Variants in TTC1 observed in about 807,000 individuals in gnomAD.
TTC1 encodes tetratricopeptide repeat domain 1, also known as tetratricopeptide repeat protein 1.
TTC1 carries 31 observed loss-of-function variants against 37.6 expected under a neutral mutation model. The observed-to-expected ratio is 0.82, with a 90% confidence interval of 0.62 to 1.11. The LOEUF (loss-of-function observed/expected upper bound fraction) is 1.11. TTC1 is among the 50% of genes most tolerant of loss of function. The pLI is 0.00. For missense variants in TTC1, 351 were observed against 339.0 expected (o/e 1.04, Z -0.28); for synonymous variants, 127 against 122.4 (o/e 1.04, Z -0.25).
At position 160,049,506 on chromosome 5, in the gene TTC1, T is replaced by C; in HGVS notation, c.542-8T>C. ...TTGTGATAAAAATTATTTCTTCTCT[T>C]TTTACAGCAATTCAATTAAACCCCA... On this transcript the variant is annotated splice_region_variant and splice_polypyrimidine_tract_variant and intron_variant, in intron 5 of 7. Coordinates refer to ENST00000231238, the MANE Select transcript of TTC1 (RefSeq NM_003314.3). 1.3e-6 allele frequency: 2 copies of C among 1,561,488 alleles called. No homozygotes were observed. The highest frequency in any genetic ancestry group is 2.4e-5 in the South Asian group (2 of 81,832).
intron 2 of TTC1, chr5:160,023,909 T>C: frequency 6.3e-7 from 1 of 1,597,078 alleles, no homozygotes; most frequent in South Asian, 1.1e-5. Context: ...GTCAGGCTTC[T>C]CAAACTCTGC....
At chr5:160,048,600 TGCTGGA>T (rs1402579817) in intron 5 of TTC1, among the ~76,000 whole-genome samples, 2 of 152,244 alleles carry the variant, frequency 1.3e-5, no homozygotes, top group Admixed American at 6.5e-5. Flanking sequence ...CACCTCATAG[TGCTGGA>T]GCAGTAGTTT....
chr5:160,027,087 G>T (rs1372582058), intron 2 of TTC1, among the ~76,000 whole-genome samples: 4 of 151,032 alleles, frequency 2.6e-5, no homozygotes, highest in African/African-American at 9.8e-5. Context: ...GGAGTACAGG[G>T]GTGCAATCAT....
At chr5:160,025,733 G>C (rs1217396702) in intron 2 of TTC1, among the ~76,000 whole-genome samples, 1 of 152,114 alleles carries the variant, frequency 6.6e-6, no homozygotes, top group Non-Finnish European at 1.5e-5. Context: ...GTAGTTAAGA[G>C]GATGAACTTT....
In TTC1 at chr5:160,051,166, T is replaced by C; in HGVS notation, c.728T>C (p.Leu243Pro). Residue 243 changes from leucine (L) to proline (P), a missense_variant, in exon 7 of 8, where the codon CTA (leucine) becomes CCA (proline). Leu to Pro is a moderately conservative substitution (Grantham distance 98, BLOSUM62 -3). Coordinates refer to ENST00000231238, the MANE Select transcript of TTC1 (RefSeq NM_003314.3). ...CAAATTGAAGAACGTAATGAAAGAC[T>C]AAAAGAAGAGATGTTAGGTAAGCTT... ...PKQIEERNER[L>P]KEEMLGKLKD... 6.2e-7 allele frequency: 1 copy of C among 1,609,262 alleles called. No individual in the cohort carries two copies. The highest frequency in any genetic ancestry group is 1.3e-5 in the African/African-American group (1 of 74,736).
At chr5:160,043,971 G>A (rs1757149915) in intron 5 of TTC1, among the ~76,000 whole-genome samples, 1 of 152,066 alleles carries the variant, frequency 6.6e-6, no homozygotes, top group African/African-American at 2.4e-5. Context: ...TGTGTTTTGG[G>A]GTTGTTTTGT....
At chr5:160,044,679 G>T (rs1271449972) in intron 5 of TTC1, among the ~76,000 whole-genome samples, 1 of 152,162 alleles carries the variant, frequency 6.6e-6, no homozygotes, top group East Asian at 1.9e-4. Flanking sequence ...GGTGGGCTTT[G>T]GCCAGCCTCT....
intron 7 of TTC1, among the ~76,000 whole-genome samples, chr5:160,060,811 G>A (rs939328792): frequency 6.6e-6 from 1 of 152,200 alleles, no homozygotes; most frequent in Non-Finnish European, 1.5e-5. Context: ...CCAAAAACTT[G>A]TTGATTCTAC....
At chr5:160,019,690 C>T (rs993203538) in intron 2 of TTC1, among the ~76,000 whole-genome samples, 5 of 149,440 alleles carry the variant, frequency 3.3e-5, no homozygotes, top group Non-Finnish European at 7.4e-5. Flanking sequence ...CGGATTCAAG[C>T]GATTCTCTCT....
intron 4 of TTC1, among the ~76,000 whole-genome samples, chr5:160,038,666 T>C (rs918511082): frequency 1.6e-5 from 2 of 127,682 alleles, no homozygotes; most frequent in Non-Finnish European, 3.3e-5. Context: ...TTTCTTTTTT[T>C]TTTTTTTTTT....
chr5:160,039,388 A>G (rs1323321627), intron 4 of TTC1, among the ~76,000 whole-genome samples: 1 of 149,950 alleles, frequency 6.7e-6, no homozygotes, highest in Non-Finnish European at 1.5e-5. Flanking sequence ...TTTTGTCACT[A>G]TATATTATGT....
intron 2 of TTC1, among the ~76,000 whole-genome samples, chr5:160,021,858 G>C (rs951375515): frequency 2.0e-5 from 3 of 152,080 alleles, no homozygotes; most frequent in Non-Finnish European, 4.4e-5. Flanking sequence ...AAGTTTTGTT[G>C]CATGTGCCTC....
In TTC1 at chr5:160,039,477, T is replaced by C. The variant is rs545408298; in HGVS notation, c.504+2674T>C. ...GGTAAAGTTGTGATTTTTTTTTTTT[T>C]CCCACACACTCCACTTTGGGGACTA... is the stretch of plus-strand genomic sequence containing the variant. On this transcript the variant is annotated intron_variant, in intron 4 of 7. Transcript: ENST00000231238. 4.3e-4 allele frequency among the ~76,000 whole-genome samples: 65 copies of C among 151,876 alleles called. 1 individual carries two copies. Among genetic ancestry groups the C allele is most frequent in the Middle Eastern group, 6.8e-3 (2 of 294 alleles).
intron 5 of TTC1, among the ~76,000 whole-genome samples, chr5:160,049,192 A>G (rs1757336419): frequency 6.6e-6 from 1 of 152,240 alleles, no homozygotes; most frequent in Non-Finnish European, 1.5e-5. Flanking sequence ...TGTGAAAATT[A>G]TGTGAACTTA....
intron 7 of TTC1, among the ~76,000 whole-genome samples, chr5:160,054,657 GAAAA>G (rs1047889654): frequency 1.4e-5 from 2 of 142,690 alleles, no homozygotes; most frequent in East Asian, 2.0e-4. Flanking sequence ...CCACAATATA[GAAAA>G]AAAAAAAGTA....
At chr5:160,025,645 C>G (rs915146515) in intron 2 of TTC1, among the ~76,000 whole-genome samples, 1 of 152,196 alleles carries the variant, frequency 6.6e-6, no homozygotes, top group African/African-American at 2.4e-5. Flanking sequence ...CTTTTTGCAG[C>G]AGCTTCTGTG....
At chr5:160,055,588 C>T (rs1757524088) in intron 7 of TTC1, among the ~76,000 whole-genome samples, 1 of 152,188 alleles carries the variant, frequency 6.6e-6, no homozygotes, top group South Asian at 2.1e-4. Context: ...GATATCAGGC[C>T]CTACCCCAGA....
chr5:160,059,277 T>A (rs1245830277), intron 7 of TTC1, among the ~76,000 whole-genome samples: 1 of 152,256 alleles, frequency 6.6e-6, no homozygotes, highest in Non-Finnish European at 1.5e-5. Context: ...TTTTTGCAGC[T>A]TCTATGTCAG....
intron 7 of TTC1, among the ~76,000 whole-genome samples, chr5:160,052,105 A>G (rs1354821567): frequency 6.6e-6 from 1 of 152,194 alleles, no homozygotes; most frequent in African/African-American, 2.4e-5. Flanking sequence ...TGCCGGGTAG[A>G]CTCAGACTGT....
Sources: gnomAD v4.1 joint callset for allele counts (sites outside exome capture counted in the v4.1 genomes callset) on GRCh38, gnomAD v4.1.1 for gene constraint, MANE v1.5 for transcripts, NCBI Gene and HGNC (gene_info 2026-07-23, HGNC 2026-07-21) for gene names.